The following CLYBL variants were observed in gnomAD, a reference collection of about 807,000 sequenced individuals.
CLYBL encodes the protein citramalyl-CoA lyase, mitochondrial.
A neutral mutation model predicts 38.9 loss-of-function variants in CLYBL; 31 were observed. That is an observed-to-expected ratio of 0.80 (90% CI 0.60 to 1.08). The LOEUF is 1.08. Ranked by LOEUF, CLYBL falls within the 50% of genes least tolerant of loss-of-function variation. CLYBL has a pLI of 0.00. For missense variants in CLYBL, 434 were observed against 411.6 expected, an observed-to-expected ratio of 1.05 and a Z score of -0.47; for synonymous variants, 171 against 158.6, an observed-to-expected ratio of 1.08 and a Z score of -0.59.
intron 2 of CLYBL, among the ~76,000 whole-genome samples, chr13:99,819,746 A>G (rs1201333408): frequency 3.3e-5 from 5 of 151,962 alleles, no homozygotes; most frequent in African/African-American, 7.3e-5. Flanking sequence ...ACTCAGGAAG[A>G]GCGAGAATTT....
At chr13:99,868,465 G>GACAT (rs1382700523) in intron 6 of CLYBL, among the ~76,000 whole-genome samples, 1 of 152,086 alleles carries the variant, frequency 6.6e-6, no homozygotes, top group East Asian at 1.9e-4. Context: ...GAGGAAGGAA[G>GACAT]ACATGTCTTA....
intron 1 of CLYBL, chr13:99,690,961 T>G (rs552009127): frequency 6.6e-6 from 1 of 152,326 alleles, no homozygotes; most frequent in African/African-American, 2.4e-5. Flanking sequence ...CCTACCGTGT[T>G]TTGTTTAGTT....
chr13:99,784,783 A>G (rs1202671213), intron 2 of CLYBL, among the ~76,000 whole-genome samples: 1 of 152,118 alleles, frequency 6.6e-6, no homozygotes, highest in Non-Finnish European at 1.5e-5. Context: ...ACTGAGCCCA[A>G]AAATGCATTA....
chr13:99,776,348 C>T (rs1332200144), intron 2 of CLYBL, among the ~76,000 whole-genome samples: 1 of 150,420 alleles, frequency 6.6e-6, no homozygotes, highest in Non-Finnish European at 1.5e-5. Flanking sequence ...TACAAAAAAT[C>T]AGCCAGGAGT....
At chr13:99,744,117 C>T (rs1594154166) in intron 1 of CLYBL, among the ~76,000 whole-genome samples, 1 of 151,892 alleles carries the variant, frequency 6.6e-6, no homozygotes, top group Non-Finnish European at 1.5e-5. Context: ...GGACTACAGG[C>T]GCCCGCCACC....
At chr13:99,687,605 A>G (rs2047836876) in intron 1 of CLYBL, among the ~76,000 whole-genome samples, 1 of 152,196 alleles carries the variant, frequency 6.6e-6, no homozygotes, top group African/African-American at 2.4e-5. Context: ...GGGAACCATT[A>G]AAGGGTTTTT....
rs1057046359 is a variant in CLYBL at position 99,684,424 on chromosome 13, C to T, written c.62+77667C>T. 3.3e-5 allele frequency among the ~76,000 whole-genome samples: 5 copies of T among 151,916 alleles called. No homozygotes were observed. In the South Asian group the frequency reaches 1.0e-3, roughly 32 times the overall value. On this transcript the variant is annotated intron_variant, in intron 1 of 8. Coordinates refer to ENST00000339105, the MANE Select transcript of CLYBL (RefSeq NM_206808.5). ...TGTGGTATATTTGGTCTGTTGTTGA[C>T]CTGAAAGTTATGTGGCGCATGACTG...
chr13:99,733,498 C>G (rs1485546653), intron 1 of CLYBL, among the ~76,000 whole-genome samples: 2 of 152,218 alleles, frequency 1.3e-5, no homozygotes, highest in Admixed American at 1.3e-4. Context: ...TGTGCACCAC[C>G]AGTATACAAC....
At chr13:99,880,048 ATG>A (rs1266150454) in intron 7 of CLYBL, among the ~76,000 whole-genome samples, 2 of 60,786 alleles carry the variant, frequency 3.3e-5, no homozygotes, top group African/African-American at 1.2e-4. Context: ...ATATGTGTGT[ATG>A]TATATATATA....
At chr13:99,620,577 C>T (rs2046777643) in intron 1 of CLYBL, among the ~76,000 whole-genome samples, 2 of 152,200 alleles carry the variant, frequency 1.3e-5, no homozygotes, top group South Asian at 4.1e-4. Context: ...GAGTTGGAGA[C>T]CAACCTGGCA....
intron 1 of CLYBL, among the ~76,000 whole-genome samples, chr13:99,653,855 A>T (rs970827647): frequency 1.3e-5 from 2 of 152,102 alleles, no homozygotes; most frequent in Non-Finnish European, 1.5e-5. Flanking sequence ...TTTTCATTCA[A>T]CTCATCCATA....
chr13:99,813,975 C>T (rs1026658749), intron 2 of CLYBL, among the ~76,000 whole-genome samples: 1 of 152,200 alleles, frequency 6.6e-6, no homozygotes, highest in Non-Finnish European at 1.5e-5. Flanking sequence ...GCCAAAGCCT[C>T]TTCATTCTTC....
At chr13:99,881,954 T>C (rs1231680844) in intron 7 of CLYBL, among the ~76,000 whole-genome samples, 1 of 152,210 alleles carries the variant, frequency 6.6e-6, no homozygotes, top group Non-Finnish European at 1.5e-5. Flanking sequence ...AATGTTATAG[T>C]TTACTTTTGC....
intron 2 of CLYBL, among the ~76,000 whole-genome samples, chr13:99,794,053 G>A (rs189804832): frequency 1.2e-4 from 19 of 152,238 alleles, no homozygotes; most frequent in Admixed American, 5.2e-4. Flanking sequence ...AAATCTCTCC[G>A]TTGGACCAGG....
intron 2 of CLYBL, among the ~76,000 whole-genome samples, chr13:99,782,491 C>T (rs9554637): frequency 0.13 from 19,887 of 151,870 alleles, 1,620 homozygotes; most frequent in East Asian, 0.34. Flanking sequence ...TGTGACAGAA[C>T]GAGGCTCTGT....
chr13:99,648,497 C>G (rs971944090), intron 1 of CLYBL, among the ~76,000 whole-genome samples: 1 of 152,214 alleles, frequency 6.6e-6, no homozygotes, highest in Non-Finnish European at 1.5e-5. Flanking sequence ...TTCTTGCTGT[C>G]AATACCTTAT....
At chr13:99,747,205 T>G (rs1417134903) in intron 1 of CLYBL, among the ~76,000 whole-genome samples, 1 of 150,016 alleles carries the variant, frequency 6.7e-6, no homozygotes. Context: ...AAAGCTCCTC[T>G]CCTCTCCCCC....
chr13:99,748,686 G>A (rs371104010), intron 1 of CLYBL, among the ~76,000 whole-genome samples: 5 of 151,188 alleles, frequency 3.3e-5, no homozygotes, highest in African/African-American at 9.7e-5. Context: ...TGATTCACCC[G>A]GCTTGGCCTC....
intron 2 of CLYBL, among the ~76,000 whole-genome samples, chr13:99,835,483 T>A (rs1424074733): frequency 2.0e-5 from 3 of 151,926 alleles, no homozygotes; most frequent in Non-Finnish European, 4.4e-5. Context: ...CTTTTAAGGG[T>A]TAAATGTTGC....
Sources: gnomAD v4.1 joint callset for allele counts (sites outside exome capture counted in the v4.1 genomes callset) on GRCh38, gnomAD v4.1.1 for gene constraint, MANE v1.5 for transcripts, NCBI Gene and HGNC (gene_info 2026-07-23, HGNC 2026-07-21) for gene names.